Variants in MACROD2 observed in about 807,000 individuals in gnomAD.
MACROD2 encodes ADP-ribose glycohydrolase MACROD2.
Under a neutral mutation model 70.4 loss-of-function variants are expected in MACROD2, and 36 were observed. The observed-to-expected ratio is 0.51, with a 90% CI of 0.39 to 0.68. MACROD2 has a LOEUF of 0.68. Among genes scored for constraint, MACROD2 ranks in the 30% least tolerant of loss-of-function variants. The probability of loss-of-function intolerance (pLI) is 0.00; values close to 1 mark genes in which losing one functional copy is unlikely to be tolerated. For missense variants in MACROD2, 496 were observed against 538.4 expected (o/e 0.92, Z 0.78); for synonymous variants, 172 against 178.8 (o/e 0.96, Z 0.30).
Position 15,204,234 on chromosome 20 carries a change from C to A in MACROD2, c.419-25706C>A, listed in dbSNP as rs571757427. ...TGTTGTCCTGTAAAGTAATAAATGG[C>A]CCAAATTTTCCACACGCTAATTAAA... On this transcript the variant is annotated intron_variant, in intron 5 of 17. Transcript: ENST00000684519. Among the ~76,000 whole-genome samples, 6 of 152,146 alleles carry A rather than the reference C, an allele frequency of 3.9e-5. No individual in the cohort carries two copies. In the South Asian group the frequency reaches 1.2e-3, roughly 32 times the overall value.
At chr20:14,487,639 T>G (rs1568635547) in intron 3 of MACROD2, among the ~76,000 whole-genome samples, 2 of 152,160 alleles carry the variant, frequency 1.3e-5, no homozygotes, top group Non-Finnish European at 2.9e-5. Flanking sequence ...AACAAGTATT[T>G]ATTCAGTACC....
At chr20:15,149,339 G>A (rs976815594) in intron 5 of MACROD2, among the ~76,000 whole-genome samples, 6 of 152,008 alleles carry the variant, frequency 3.9e-5, no homozygotes, top group East Asian at 1.9e-4. Context: ...GGTGTGTGGC[G>A]ATTAGGCCTG....
chr20:15,024,925 A>G (rs2075218389), intron 5 of MACROD2, among the ~76,000 whole-genome samples: 1 of 152,158 alleles, frequency 6.6e-6, no homozygotes, highest in African/African-American at 2.4e-5. Context: ...ATTTGTAGGG[A>G]GTTCTTATTT....
chr20:15,285,150 T>C (rs2077479527), intron 6 of MACROD2, among the ~76,000 whole-genome samples: 1 of 152,172 alleles, frequency 6.6e-6, no homozygotes, highest in South Asian at 2.1e-4. Context: ...CCAATGATAA[T>C]TTCATTTTCT....
intron 3 of MACROD2, among the ~76,000 whole-genome samples, chr20:14,217,784 G>C (rs1362998444): frequency 6.6e-6 from 1 of 152,090 alleles, no homozygotes; most frequent in African/African-American, 2.4e-5. Context: ...AGGTTTTCTA[G>C]TTTATGTGTG....
intron 5 of MACROD2, among the ~76,000 whole-genome samples, chr20:15,214,605 A>T (rs2076792886): frequency 6.6e-6 from 1 of 152,208 alleles, no homozygotes; most frequent in Non-Finnish European, 1.5e-5. Flanking sequence ...TATTTGATTT[A>T]ATCTTGTGAA....
chr20:15,818,017 C>G (rs1321499373), intron 8 of MACROD2, among the ~76,000 whole-genome samples: 1 of 152,132 alleles, frequency 6.6e-6, no homozygotes, highest in Admixed American at 6.6e-5. Flanking sequence ...TTCCTTCATG[C>G]CTTGGGGAAC....
chr20:14,700,312 C>T (rs937288248), intron 5 of MACROD2, among the ~76,000 whole-genome samples: 3 of 150,660 alleles, frequency 2.0e-5, no homozygotes, highest in Non-Finnish European at 4.4e-5. Flanking sequence ...TGCAACGTGC[C>T]GTGTAGCATT....
chr20:14,028,593 C>A (rs1489964962), intron 2 of MACROD2, among the ~76,000 whole-genome samples: 5 of 152,160 alleles, frequency 3.3e-5, no homozygotes, highest in African/African-American at 1.2e-4. Context: ...GTTGCGAAGA[C>A]CATGGGAAAA....
intron 8 of MACROD2, among the ~76,000 whole-genome samples, chr20:15,744,109 CT>C (rs148389850): frequency 6.6e-6 from 1 of 151,918 alleles, no homozygotes; most frequent in African/African-American, 2.4e-5. Context: ...AGTTGTATCT[CT>C]TTTTTTCTTT....
chr20:16,006,737 A>C (rs998369825), intron 15 of MACROD2, among the ~76,000 whole-genome samples: 5 of 152,130 alleles, frequency 3.3e-5, no homozygotes, highest in Admixed American at 3.3e-4. Flanking sequence ...TCGGAGGCTC[A>C]GGTGTTGGGT....
Position 14,326,985 on chromosome 20 carries a change from G to A in MACROD2, c.272-166494G>A. ...CCAAGCGTAGTTCTTCTATAGTCCT[G>A]GGCAAACCCCAGGGAATTGTGCTAA... On this transcript the variant is annotated intron_variant, in intron 3 of 17. Transcript: ENST00000684519. This position sits in a 1 kb window ranked among gnomAD's most constrained non-coding sequence, Gnocchi z 5.5. 1.9e-6 allele frequency: 3 copies of A among 1,613,734 alleles called. No homozygotes were observed. The highest frequency in any genetic ancestry group is 2.5e-6 in the Non-Finnish European group (3 of 1,179,782).
At chr20:14,749,043 C>A (rs1255421645) in intron 5 of MACROD2, among the ~76,000 whole-genome samples, 2 of 152,118 alleles carry the variant, frequency 1.3e-5, no homozygotes, top group African/African-American at 4.8e-5. Context: ...ATGATTTCAT[C>A]TATTTGTCTT....
intron 4 of MACROD2, among the ~76,000 whole-genome samples, chr20:14,629,149 GT>G (rs1984363876): frequency 6.6e-6 from 1 of 150,650 alleles, no homozygotes; most frequent in Admixed American, 6.6e-5. Context: ...GAGGACTTTT[GT>G]GTGTGTGTGT....
At chr20:15,778,983 G>GA (rs1180208738) in intron 8 of MACROD2, among the ~76,000 whole-genome samples, 2 of 152,066 alleles carry the variant, frequency 1.3e-5, no homozygotes, top group Middle Eastern at 3.4e-3. Context: ...GTGAGTAAAA[G>GA]AAAAAAATGT....
intron 5 of MACROD2, among the ~76,000 whole-genome samples, chr20:14,825,495 T>A (rs2072891466): frequency 6.6e-6 from 1 of 152,064 alleles, no homozygotes; most frequent in East Asian, 1.9e-4. Flanking sequence ...ATATCAAAGC[T>A]TTTACTGGAA....
intron 4 of MACROD2, among the ~76,000 whole-genome samples, chr20:14,662,969 A>G (rs1986296377): frequency 6.6e-6 from 1 of 152,160 alleles, no homozygotes; most frequent in Non-Finnish European, 1.5e-5. Context: ...TGACCCAGCA[A>G]TCCCATTACT....
At chr20:15,428,847 G>T (rs2046331584) in intron 6 of MACROD2, among the ~76,000 whole-genome samples, 1 of 152,132 alleles carries the variant, frequency 6.6e-6, no homozygotes. Context: ...GAAGGTAGAG[G>T]TAAAATCTTG....
chr20:15,609,853 C>T (rs760135587), intron 8 of MACROD2, among the ~76,000 whole-genome samples: 1 of 152,108 alleles, frequency 6.6e-6, no homozygotes, highest in African/African-American at 2.4e-5. Context: ...GGTCGCTTAC[C>T]AGCCCTCTCA....
Sources: gnomAD v4.1 joint callset for allele counts (sites outside exome capture counted in the v4.1 genomes callset) on GRCh38, gnomAD v4.1.1 for gene constraint, Gnocchi (gnomAD v3.1) non-coding constraint, MANE v1.5 for transcripts, NCBI Gene and HGNC (gene_info 2026-07-23, HGNC 2026-07-21) for gene names.